Variants in SH3RF2 observed in about 807,000 individuals in gnomAD.
SH3RF2 encodes the protein E3 ubiquitin-protein ligase SH3RF2.
A neutral mutation model predicts 59.0 loss-of-function variants in SH3RF2; 43 were observed. The observed-to-expected ratio is 0.73, with a 90% CI of 0.57 to 0.94. SH3RF2 has a LOEUF of 0.94. Ranked by LOEUF, SH3RF2 falls within the 40% of genes least tolerant of loss-of-function variation. The pLI, the probability that SH3RF2 is intolerant of heterozygous loss-of-function variation, is 0.00. For missense variants in SH3RF2, 930 were observed against 940.1 expected, an observed-to-expected ratio of 0.99 and a Z score of 0.14; for synonymous variants, 391 against 391.5, an observed-to-expected ratio of 1.00 and a Z score of 0.01.
At chr5:146,066,436 T>C (rs1049610430), downstream of SH3RF2, among the ~76,000 whole-genome samples, 2 of 152,202 alleles carry the variant, frequency 1.3e-5, no homozygotes, top group African/African-American at 4.8e-5. Context: ...GAGATAATGA[T>C]ACAAAGTGAC....
intron 3 of SH3RF2, 94 bp from the exon 4 acceptor site, chr5:146,003,964 T>G: frequency 9.9e-7 from 1 of 1,011,580 alleles, no homozygotes; most frequent in South Asian, 1.6e-5. Context: ...TTCCTAACAC[T>G]TTACACCATC....
chr5:145,955,049 TC>T (rs1405645395), intron 2 of SH3RF2, among the ~76,000 whole-genome samples: 4 of 152,140 alleles, frequency 2.6e-5, no homozygotes, highest in Non-Finnish European at 4.4e-5. Flanking sequence ...TCCAATCGCC[TC>T]CCACTAGGTC....
intron 2 of SH3RF2, among the ~76,000 whole-genome samples, chr5:145,971,122 T>C (rs1332310228): frequency 2.0e-5 from 3 of 152,184 alleles, no homozygotes; most frequent in African/African-American, 7.2e-5. Flanking sequence ...TTAGAAATCC[T>C]GCCCAAAGCA....
chr5:145,937,770 T>G, intron 1 of SH3RF2, 53 bp from the exon 2 acceptor site: 2 of 802,560 alleles, frequency 2.5e-6, no homozygotes, highest in Admixed American at 4.8e-5. Context: ...AGGTGGGATA[T>G]ACCTCTCGGA....
chr5:146,072,042 A>G (rs1157047348), intron 9 of SH3RF2, among the ~76,000 whole-genome samples: 2 of 152,242 alleles, frequency 1.3e-5, no homozygotes, highest in Admixed American at 1.3e-4. Flanking sequence ...GAGCTTCGTG[A>G]AGAAGAAAGA....
intron 5 of SH3RF2, among the ~76,000 whole-genome samples, chr5:146,022,065 GA>G (rs1761341336): frequency 6.6e-6 from 1 of 152,156 alleles, no homozygotes; most frequent in Non-Finnish European, 1.5e-5. Context: ...TTTTATAAAA[GA>G]AAATTTCAAA....
At chr5:146,054,934 T>C (rs1436748755) in intron 7 of SH3RF2, among the ~76,000 whole-genome samples, 1 of 152,166 alleles carries the variant, frequency 6.6e-6, no homozygotes, top group Non-Finnish European at 1.5e-5. Flanking sequence ...AGGTGATTAA[T>C]GGACTGCTCA....
At chr5:146,006,094 A>G (rs1760634275) in intron 4 of SH3RF2, among the ~76,000 whole-genome samples, 1 of 152,166 alleles carries the variant, frequency 6.6e-6, no homozygotes, top group South Asian at 2.1e-4. Context: ...TAAATTCAGA[A>G]AGTATTCCAG....
At chr5:145,952,690 G>T (rs1758237240) in intron 2 of SH3RF2, among the ~76,000 whole-genome samples, 2 of 152,180 alleles carry the variant, frequency 1.3e-5, no homozygotes, top group Non-Finnish European at 2.9e-5. Flanking sequence ...TCTTAGCTGG[G>T]TTCCCCTCAG....
intron 2 of SH3RF2, among the ~76,000 whole-genome samples, chr5:145,956,070 C>T (rs373240974): frequency 2.7e-4 from 41 of 152,172 alleles, no homozygotes; most frequent in African/African-American, 9.6e-4. Context: ...GCTGAGGACC[C>T]TGTTAAAAAT....
intron 2 of SH3RF2, among the ~76,000 whole-genome samples, chr5:145,964,001 T>A (rs1226985939): frequency 1.3e-5 from 2 of 151,452 alleles, no homozygotes; most frequent in Non-Finnish European, 2.9e-5. Flanking sequence ...CCCGGCTAAT[T>A]TTTTGTATTT....
At chr5:146,072,771 G>A (rs1451158637) in intron 9 of SH3RF2, among the ~76,000 whole-genome samples, 1 of 152,210 alleles carries the variant, frequency 6.6e-6, no homozygotes, top group Non-Finnish European at 1.5e-5. Flanking sequence ...CTACAGGGTT[G>A]CTAAGAGCCC....
intron 2 of SH3RF2, among the ~76,000 whole-genome samples, chr5:145,946,665 C>T (rs976332749): frequency 6.6e-6 from 1 of 152,142 alleles, no homozygotes; most frequent in African/African-American, 2.4e-5. Context: ...GCTCATGAGT[C>T]GCTAACCCTA....
intron 9 of SH3RF2, among the ~76,000 whole-genome samples, chr5:146,074,588 C>A (rs996408945): frequency 9.0e-5 from 13 of 144,006 alleles, no homozygotes; most frequent in Non-Finnish European, 1.4e-4. Context: ...AAAAAAAAAA[C>A]AAAACAAAAC....
At chr5:145,963,042 C>T (rs1758693706) in intron 2 of SH3RF2, among the ~76,000 whole-genome samples, 1 of 151,796 alleles carries the variant, frequency 6.6e-6, no homozygotes, top group Admixed American at 6.6e-5. Flanking sequence ...GGACTACATG[C>T]AGCTGCCACC....
chr5:145,975,006 C>T (rs180937675), intron 2 of SH3RF2, among the ~76,000 whole-genome samples: 1 of 152,258 alleles, frequency 6.6e-6, no homozygotes, highest in Admixed American at 6.5e-5. Flanking sequence ...CTTTTCTGGC[C>T]CACCTGAGTT....
intron 8 of SH3RF2, among the ~76,000 whole-genome samples, chr5:146,057,928 G>GTCTCTCTCTCTCTCTCTCTCTCTCTCTC (rs58826823): frequency 7.5e-6 from 1 of 133,178 alleles, no homozygotes; most frequent in African/African-American, 3.0e-5. Context: ...GGCTGTTAGT[G>GTCTCTCTCTCTCTCTCTCTCTCTCTCTC]TCTCTCTCTC....
chr5:146,006,703 C>A (rs1760660491), intron 4 of SH3RF2, among the ~76,000 whole-genome samples: 1 of 152,114 alleles, frequency 6.6e-6, no homozygotes, highest in South Asian at 2.1e-4. Flanking sequence ...CTTCATAAAC[C>A]ATCCTGTATA....
At chr5:146,034,061 ATTATGT>A (rs1477563957) in intron 5 of SH3RF2, among the ~76,000 whole-genome samples, 2 of 152,218 alleles carry the variant, frequency 1.3e-5, no homozygotes, top group Admixed American at 1.3e-4. Flanking sequence ...ACAAATAAAA[ATTATGT>A]TTGTTGTAAG....
Sources: allele counts gnomAD v4.1 joint callset (sites outside exome capture counted in the v4.1 genomes callset), GRCh38; gene constraint gnomAD v4.1.1; transcripts MANE v1.5; gene names NCBI Gene and HGNC (gene_info 2026-07-23, HGNC 2026-07-21).